PLXND1: variants seen among roughly 807,000 people sequenced by gnomAD.
The protein encoded by PLXND1 is plexin-D1.
A neutral mutation model predicts 197.7 loss-of-function variants in PLXND1; 54 were observed. The ratio of observed to expected loss-of-function variants is 0.27; its 90% CI spans 0.22 to 0.34. The LOEUF (loss-of-function observed/expected upper bound fraction) is 0.34, where lower values mean the gene tolerates loss of function less well. Ranked by LOEUF, PLXND1 falls within the 10% of genes least tolerant of loss-of-function variation. The pLI, the probability that PLXND1 is intolerant of heterozygous loss-of-function variation, is 1.00. For synonymous variants in PLXND1, 1,180 were observed against 1,161.2 expected, an observed-to-expected ratio of 1.02 and a Z score of -0.33; for missense variants, 2,127 against 2,699.2, an observed-to-expected ratio of 0.79 and a Z score of 4.70.
chr3:129,569,258 C>CAT (rs145241198), intron 20 of PLXND1: 85,601 of 152,180 alleles, frequency 0.56, 26,885 homozygotes, highest in Non-Finnish European at 0.69. Context: ...TTGCTATAAA[C>CAT]GTGTGTACAA....
At chr3:129,560,473 C>G in intron 30 of PLXND1, 39 bp from the exon 31 acceptor site, 1 of 1,386,306 alleles carries the variant, frequency 7.2e-7, no homozygotes, top group Middle Eastern at 2.0e-4. Flanking sequence ...GCACCAGGCC[C>G]CATCCTCGGC....
At chr3:129,568,714 A>G (rs115074139) in intron 20 of PLXND1, among the ~76,000 whole-genome samples, 1,644 of 152,164 alleles carry the variant, frequency 0.011, 35 homozygotes, top group African/African-American at 0.037. Flanking sequence ...ATGCCCAGGT[A>G]ATTTTTGTAT....
In PLXND1 at chr3:129,577,839, T is replaced by C. The variant is rs958784211; in HGVS notation, c.2346+490A>G. 1.3e-5 allele frequency among the ~76,000 whole-genome samples: 2 copies of C among 152,200 alleles called. No individual in the cohort carries two copies. Among genetic ancestry groups the C allele is most frequent in the African/African-American group, 4.8e-5 (2 of 41,448 alleles). On this transcript the variant is annotated intron_variant, in intron 9 of 35. Transcript: ENST00000324093. The surrounding 1 kb of genome is among the most constrained non-coding windows in gnomAD (Gnocchi z 5.0). ...GTTGTGTGATCTGGCGTCATCTACTTTTCCTTCCTGGGCCTCATCTTCCCC... is the reference window on the plus strand; with the variant it reads ...GTTGTGTGATCTGGCGTCATCTACTCTTCCTTCCTGGGCCTCATCTTCCCC...
Position 129,605,469 on chromosome 3 carries a change from A to G in PLXND1, c.1171T>C (p.Phe391Leu). ...ARAAPAALCA[F>L]RFADVRAAIR... ...GCGGCTCGCACGTCGGCGAAGCGGA[A>G]GGCGCAGAGTGCGGCCGGAGCAGCG... The change falls in exon 1 of 36, where the codon TTC (phenylalanine) becomes CTC (leucine). Residue 391 changes from phenylalanine to leucine, a missense_variant. Physicochemically the swap from Phe to Leu is conservative, Grantham distance 22 (BLOSUM62 0). This residue lies in a region of PLXND1 where 1,095 missense variants were observed against 1,259.8 expected (regional missense o/e 0.87). Transcript: ENST00000324093. 2.7e-6 allele frequency: 4 copies of G among 1,501,084 alleles called. No individual in the cohort carries two copies. The highest frequency in any genetic ancestry group is 3.5e-6 in the Non-Finnish European group (4 of 1,132,040). 93.0% of individuals were successfully genotyped at this position (1,501,084 alleles called of 1,614,324 possible).
Position 129,569,888 on chromosome 3 carries a change from C to A in PLXND1, c.3820G>T (p.Val1274Leu), listed in dbSNP as rs748190414. ...AGGACGCTGCAGATGACGATGGACA[C>A]GATGATGGCCGTCTCGCTGCCCCCC... ...QLGGSETAII[V>L]SIVICSVLLL... is the part of the protein sequence containing the mutation. Residue 1274 changes from valine (V) to leucine (L), a missense_variant, in exon 20 of 36, where the codon GTG (valine) becomes TTG (leucine). This residue lies in a region of PLXND1 where 532 missense variants were observed against 811.0 expected (regional missense o/e 0.66). Transcript: ENST00000324093. The A allele has an allele frequency of 1.2e-6, 2 of 1,613,152 alleles. No homozygotes were observed. Among genetic ancestry groups the A allele is most frequent in the Non-Finnish European group, 1.7e-6 (2 of 1,179,244 alleles).
At chr3:129,585,211 C>T (rs903753759) in intron 5 of PLXND1, among the ~76,000 whole-genome samples, 9 of 152,196 alleles carry the variant, frequency 5.9e-5, no homozygotes, top group South Asian at 2.1e-4. Context: ...TGTGTGATAA[C>T]GGCAGGGCAG....
intron 1 of PLXND1, among the ~76,000 whole-genome samples, chr3:129,603,183 G>A (rs1334882564): frequency 6.6e-6 from 1 of 152,224 alleles, no homozygotes; most frequent in Non-Finnish European, 1.5e-5. Context: ...CAGGGAGGGT[G>A]ACCAAGGAAG....
chr3:129,574,330 G>A lies in PLXND1; in HGVS notation c.2685+6C>T, dbSNP rs369331070. 1.9e-6 allele frequency: 3 copies of A among 1,590,184 alleles called. No individual in the cohort carries two copies. Among genetic ancestry groups the A allele is most frequent in the African/African-American group, 2.7e-5 (2 of 74,326 alleles). On this transcript the variant is annotated splice_donor_region_variant and intron_variant, in intron 12 of 35. Transcript: ENST00000324093. ...GGTGCCACGTGCCTCCACTGGGCAT[G>A]CTTACCGCGTGGATCTCGGGGGCGG...
Position 129,570,783 on chromosome 3 carries a change from C to T in PLXND1, c.3750+3G>A. ...GCCCTGCTCCGGCGCCCCATCCACTCACTGTGATGGGCAGCTGCCCCACGG... is the reference window on the plus strand; with the variant it reads ...GCCCTGCTCCGGCGCCCCATCCACTTACTGTGATGGGCAGCTGCCCCACGG... On this transcript the variant is annotated splice_donor_region_variant and intron_variant, in intron 19 of 35. Transcript: ENST00000324093. 6.2e-7 allele frequency: 1 copy of T among 1,613,844 alleles called. No individual in the cohort carries two copies.
chr3:129,581,762 T>C (rs1284586894), intron 8 of PLXND1, among the ~76,000 whole-genome samples: 1 of 152,208 alleles, frequency 6.6e-6, no homozygotes, highest in Non-Finnish European at 1.5e-5. Flanking sequence ...CCAACTCGGT[T>C]CTTTCCCAGG....
chr3:129,560,267 C>A, intron 31 of PLXND1, 63 bp downstream of exon 31: 1 of 1,064,460 alleles, frequency 9.4e-7, no homozygotes, highest in South Asian at 1.3e-5. Flanking sequence ...AGCAATGACC[C>A]TCTGGAGCTG....
At position 129,589,481 on chromosome 3, in the gene PLXND1, G is replaced by A. The variant is rs1441551728; in HGVS notation, c.1358C>T (p.Pro453Leu). 5.6e-6 allele frequency: 9 copies of A among 1,607,030 alleles called. No individual in the cohort carries two copies. Among genetic ancestry groups the A allele is most frequent in the Non-Finnish European group, 7.6e-6 (9 of 1,177,446 alleles). Residue 453 changes from proline to leucine, a missense_variant, in exon 2 of 36, where the codon CCG becomes CTG. Transcript: ENST00000324093. ...CTTCAGGGGCTGCAGGATGGACAGC[G>A]GGTGCTGCAGGTGAGCAGCTCCACA... Reference protein sequence around the residue: ...LDCGAAHLQHPLSILQPLKAT... With the variant: ...LDCGAAHLQHLLSILQPLKAT...
intron 9 of PLXND1, 121 bp downstream of exon 9, chr3:129,578,208 T>G (rs2085340002): frequency 8.5e-6 from 6 of 706,986 alleles, no homozygotes; most frequent in South Asian, 6.1e-5. Flanking sequence ...CCCACACAGG[T>G]GCGAAAGCAC....
intron 1 of PLXND1, 42 bp downstream of exon 1, chr3:129,605,287 G>GCCC: frequency 1.2e-5 from 4 of 332,060 alleles, no homozygotes; most frequent in East Asian, 7.9e-5. Flanking sequence ...CCCCGCCCCC[G>GCCC]CCGCCGCCGC....
Position 129,556,302 on chromosome 3 carries a change from T to G in PLXND1, c.*10A>C. On this transcript the variant is annotated 3_prime_UTR_variant, in exon 36 of 36. Coordinates refer to ENST00000324093, the MANE Select transcript of PLXND1 (RefSeq NM_015103.3). ...CTCCCAGCAGCAGCCTGACCAACTCTCCATGTGTCTCAGGCCTCACTGTAG... is the reference window on the plus strand; with the variant it reads ...CTCCCAGCAGCAGCCTGACCAACTCGCCATGTGTCTCAGGCCTCACTGTAG... 2.6e-6 allele frequency: 4 copies of G among 1,560,092 alleles called. No homozygotes were observed. Among genetic ancestry groups the G allele is most frequent in the Non-Finnish European group, 3.5e-6 (4 of 1,130,728 alleles).
Position 129,605,689 on chromosome 3 carries a change from C to G in PLXND1, c.951G>C (p.Leu317=), listed in dbSNP as rs974290367. 6.5e-7 allele frequency: 1 copy of G among 1,538,274 alleles called. No individual in the cohort carries two copies. Among genetic ancestry groups the G allele is most frequent in the Non-Finnish European group, 8.7e-7 (1 of 1,144,886 alleles). Reference sequence around the variant, plus strand: ...CGTGGGGCAGGCAGATGCGCGCCAGCAGGCTCCGCGCCTGGCTCTCCTTGT... The same window carrying G: ...CGTGGGGCAGGCAGATGCGCGCCAGGAGGCTCCGCGCCTGGCTCTCCTTGT... The part of the protein sequence containing the change: ...AGDKESQARS[L]LARICLPHGA... The change falls in exon 1 of 36, where the codon CTG becomes CTC. Residue 317 remains leucine (L), a synonymous_variant. Coordinates refer to ENST00000324093, the MANE Select transcript of PLXND1 (RefSeq NM_015103.3).
chr3:129,582,299 T>C (rs575934526), intron 8 of PLXND1, among the ~76,000 whole-genome samples: 159 of 152,346 alleles, frequency 1.0e-3, no homozygotes, highest in African/African-American at 3.7e-3. Context: ...CTGAGAAGAT[T>C]CTCTGAGCTC....
intron 1 of PLXND1, chr3:129,591,316 G>A (rs1191318306): frequency 6.6e-6 from 1 of 152,266 alleles, no homozygotes; most frequent in African/African-American, 2.4e-5. Context: ...ATAGAGGCTG[G>A]GATGAATCAT....
chr3:129,570,681 G>T, intron 19 of PLXND1, 105 bp downstream of exon 19: 1 of 1,144,378 alleles, frequency 8.7e-7, no homozygotes. Flanking sequence ...GCTGTTGAGC[G>T]TGAAAACGCT....
Sources: gnomAD v4.1 joint callset for allele counts (sites outside exome capture counted in the v4.1 genomes callset) on GRCh38, gnomAD v4.1.1 for gene constraint, gnomAD v4.1.1 regional missense constraint, Gnocchi (gnomAD v3.1) non-coding constraint, MANE v1.5 for transcripts, NCBI Gene and HGNC (gene_info 2026-07-23, HGNC 2026-07-21) for gene names.